Variants in COL19A1 observed in about 807,000 individuals in gnomAD.
COL19A1 encodes the protein collagen alpha-1(XIX) chain.
A neutral mutation model predicts 190.2 loss-of-function variants in COL19A1; 159 were observed. That is an observed-to-expected ratio of 0.84 (90% CI 0.73 to 0.95). The LOEUF is 0.95. Among genes scored for constraint, COL19A1 ranks in the 40% least tolerant of loss-of-function variants. The probability of loss-of-function intolerance (pLI) is 0.00; values close to 1 mark genes in which losing one functional copy is unlikely to be tolerated. For missense variants in COL19A1, 1,418 were observed against 1,431.9 expected, an observed-to-expected ratio of 0.99 and a Z score of 0.16; for synonymous variants, 509 against 458.9, an observed-to-expected ratio of 1.11 and a Z score of -1.39.
intron 15 of COL19A1, among the ~76,000 whole-genome samples, chr6:70,098,053 A>G (rs530676958): frequency 1.7e-4 from 26 of 152,310 alleles, no homozygotes; most frequent in African/African-American, 6.0e-4. Context: ...GCAAACATGC[A>G]AACATTCCTC....
chr6:70,087,683 A>G (rs1477750477), intron 15 of COL19A1, among the ~76,000 whole-genome samples: 2 of 152,200 alleles, frequency 1.3e-5, no homozygotes, highest in Non-Finnish European at 2.9e-5. Context: ...GTCAAATGCT[A>G]TTCAAGTCTG....
chr6:69,880,704 G>C (rs1561958214), intron 2 of COL19A1, among the ~76,000 whole-genome samples: 1 of 152,110 alleles, frequency 6.6e-6, no homozygotes, highest in Non-Finnish European at 1.5e-5. Flanking sequence ...TGAATATTCT[G>C]TTATTGTACA....
chr6:70,209,112 G>A lies in COL19A1; in HGVS notation c.*1838G>A, dbSNP rs922372747. The A allele has an allele frequency of 4.0e-5, 6 of 151,840 alleles. No homozygotes were observed. The highest frequency in any genetic ancestry group is 1.9e-4 in the East Asian group (1 of 5,164). The allele number at this position is 151,840 out of a possible 1,614,324, so 9.4% of individuals were successfully genotyped here. On this transcript the variant is annotated 3_prime_UTR_variant, in exon 51 of 51. Coordinates refer to ENST00000620364, the MANE Select transcript of COL19A1 (RefSeq NM_001858.6). Reference sequence around the variant, plus strand: ...TTAAACTTACACAATTGGGACATACGTATGTGTTTTCTTAGTAAAATGGTA... The same window carrying A: ...TTAAACTTACACAATTGGGACATACATATGTGTTTTCTTAGTAAAATGGTA...
At chr6:69,957,784 G>A (rs921038117) in intron 9 of COL19A1, among the ~76,000 whole-genome samples, 1 of 152,106 alleles carries the variant, frequency 6.6e-6, no homozygotes, top group Non-Finnish European at 1.5e-5. Context: ...TTTATGAATA[G>A]AATTAAATTT....
At chr6:69,888,893 CT>C in intron 2 of COL19A1, among the ~76,000 whole-genome samples, 1 of 150,180 alleles carries the variant, frequency 6.7e-6, no homozygotes, top group East Asian at 2.0e-4. Context: ...AACTGGTGTT[CT>C]TTTTCCCAAC....
At chr6:70,146,757 C>T (rs777748086) in intron 26 of COL19A1, 54 bp downstream of exon 26, 7 of 1,588,314 alleles carry the variant, frequency 4.4e-6, no homozygotes, top group East Asian at 2.3e-5. Flanking sequence ...CAAAATACAG[C>T]AGAAAAATGT....
chr6:69,896,543 CAAAAAAAAAA>C (rs61409385), intron 2 of COL19A1, among the ~76,000 whole-genome samples: 27 of 71,684 alleles, frequency 3.8e-4, no homozygotes, highest in African/African-American at 1.4e-3. Flanking sequence ...GACTCCGTCT[CAAAAAAAAAA>C]AAAAAAAAAA....
rs1053615429 is a variant in COL19A1 at position 69,916,218 on chromosome 6, G to C, written c.267-11691G>C. ...CCCAAAGTGCAGGGATTACAGGCGG[G>C]AGCCACCGCGCCCAGCTTTAAATTA... On this transcript the variant is annotated intron_variant, in intron 4 of 50. Transcript: ENST00000620364. Among the ~76,000 whole-genome samples the C allele has an allele frequency of 2.6e-5, 4 of 152,202 alleles. No individual in the cohort carries two copies. The East Asian group carries it at 7.7e-4, about 29-fold the overall frequency.
chr6:70,156,337 C>A lies in COL19A1; in HGVS notation c.2206C>A (p.Pro736Thr), dbSNP rs149314833. 319 of 1,613,314 alleles carry A rather than the reference C, an allele frequency of 2.0e-4. No homozygotes were observed. The African/African-American group carries it at 3.5e-3, about 18-fold the overall frequency. Residue 736 changes from proline to threonine, a missense_variant, in exon 33 of 51, where the codon CCT becomes ACT. By Grantham distance (38) the Pro-to-Thr change is conservative. Transcript: ENST00000620364. ...ARKGDIGPRG[P>T]PGIPGREGPK... ...CTAGGGTGATATAGGGCCACGGGGT[C>A]CTCCAGGAATCCCAGGAAGAGAGGG... is the stretch of plus-strand genomic sequence containing the variant.
intron 11 of COL19A1, chr6:69,974,063 T>A (rs571518718): frequency 6.6e-6 from 1 of 152,300 alleles, no homozygotes; most frequent in South Asian, 2.1e-4. Flanking sequence ...TAGTCTAATA[T>A]CTTAAAAAAA....
chr6:70,068,571 A>G, intron 15 of COL19A1, 95 bp downstream of exon 15: 1 of 706,852 alleles, frequency 1.4e-6, no homozygotes, highest in Non-Finnish European at 2.5e-6. Context: ...GAGCAAGCAG[A>G]TGGGCATATG....
At chr6:69,925,711 T>A (rs539789893) in intron 4 of COL19A1, among the ~76,000 whole-genome samples, 48 of 152,312 alleles carry the variant, frequency 3.2e-4, no homozygotes, top group African/African-American at 1.0e-3. Context: ...GTTCTTCCTA[T>A]CCATGGGCAT....
chr6:70,100,186 A>C (rs940397380), intron 15 of COL19A1, among the ~76,000 whole-genome samples: 7 of 152,322 alleles, frequency 4.6e-5, no homozygotes, highest in Admixed American at 2.6e-4. Context: ...TGCTTAAGGA[A>C]AGAACCAATC....
chr6:69,977,230 G>T (rs1775764355), intron 11 of COL19A1, among the ~76,000 whole-genome samples: 1 of 152,076 alleles, frequency 6.6e-6, no homozygotes, highest in African/African-American at 2.4e-5. Flanking sequence ...ATACTATGCA[G>T]CCATAAAAAA....
intron 4 of COL19A1, among the ~76,000 whole-genome samples, chr6:69,907,836 T>C (rs1770663206): frequency 6.6e-6 from 1 of 152,224 alleles, no homozygotes; most frequent in Non-Finnish European, 1.5e-5. Context: ...AAGCATTTGT[T>C]GAGTGTCACC....
At chr6:70,035,831 C>A in intron 13 of COL19A1, 73 bp from the exon 14 acceptor site, 2 of 1,238,962 alleles carry the variant, frequency 1.6e-6, no homozygotes, top group Non-Finnish European at 2.3e-6. Context: ...TTGCTTCTAT[C>A]CACCTAGAAA....
chr6:70,168,355 A>G, intron 39 of COL19A1, 140 bp downstream of exon 39: 3 of 837,598 alleles, frequency 3.6e-6, no homozygotes, highest in Non-Finnish European at 5.6e-6. Context: ...AATAAGTAAA[A>G]CCAATTATAA....
chr6:70,087,745 G>T (rs1782670499), intron 15 of COL19A1, among the ~76,000 whole-genome samples: 1 of 152,170 alleles, frequency 6.6e-6, no homozygotes, highest in Non-Finnish European at 1.5e-5. Flanking sequence ...CACACTGCCA[G>T]TTCTTACCAG....
intron 11 of COL19A1, among the ~76,000 whole-genome samples, chr6:69,984,073 G>C (rs1776187100): frequency 6.6e-6 from 1 of 152,036 alleles, no homozygotes; most frequent in Non-Finnish European, 1.5e-5. Flanking sequence ...AAAAGCCACA[G>C]GGTCTGAAGG....
Sources: gnomAD v4.1 joint callset for allele counts (sites outside exome capture counted in the v4.1 genomes callset) on GRCh38, gnomAD v4.1.1 for gene constraint, MANE v1.5 for transcripts, NCBI Gene and HGNC (gene_info 2026-07-23, HGNC 2026-07-21) for gene names.